Variants in PIBF1 observed in about 807,000 individuals in gnomAD.
PIBF1 encodes progesterone-induced-blocking factor 1.
Under a neutral mutation model 112.5 loss-of-function variants are expected in PIBF1, and 90 were observed. The ratio of observed to expected loss-of-function variants is 0.80; its 90% CI spans 0.67 to 0.95. The LOEUF is 0.95. PIBF1 is among the 40% of genes least tolerant of loss of function. The pLI is 0.00. For synonymous variants in PIBF1, 301 were observed against 288.6 expected, an observed-to-expected ratio of 1.04 and a Z score of -0.44; for missense variants, 915 against 852.3, an observed-to-expected ratio of 1.07 and a Z score of -0.92.
intron 5 of PIBF1, among the ~76,000 whole-genome samples, chr13:72,810,042 T>C (rs2035936555): frequency 6.6e-6 from 1 of 152,262 alleles, no homozygotes. Flanking sequence ...ATAGGGCTCA[T>C]CTTTTACTTC....
intron 14 of PIBF1, among the ~76,000 whole-genome samples, chr13:72,942,926 G>C (rs1049748047): frequency 6.6e-6 from 1 of 152,082 alleles, no homozygotes; most frequent in Non-Finnish European, 1.5e-5. Flanking sequence ...GCTTGAGCCT[G>C]GGAGGCAGAG....
intron 9 of PIBF1, among the ~76,000 whole-genome samples, chr13:72,844,727 T>TTA (rs2037756935): frequency 1.8e-5 from 1 of 54,222 alleles, no homozygotes; most frequent in Non-Finnish European, 3.4e-5. Context: ...GTAATTTTAT[T>TTA]TACACACACA....
chr13:72,821,729 A>T (rs889878717), intron 5 of PIBF1, 120 bp from the exon 6 acceptor site: 3 of 661,674 alleles, frequency 4.5e-6, no homozygotes, highest in East Asian at 6.6e-5. Flanking sequence ...AAATTGAGGA[A>T]TTTTTTTTAC....
intron 13 of PIBF1, among the ~76,000 whole-genome samples, chr13:72,923,575 G>A (rs987078998): frequency 7.2e-5 from 11 of 152,144 alleles, no homozygotes; most frequent in Admixed American, 7.2e-4. Flanking sequence ...CTTATAAAAA[G>A]CATTGCTTTC....
At position 72,854,040 on chromosome 13, in the gene PIBF1, C is replaced by G; in HGVS notation, c.1224-17C>G. ...ATCACGCATTTGAAATAACTGAAAT[C>G]CATGTTTAAAATTTAGAAATCTCCG... On this transcript the variant is annotated splice_polypyrimidine_tract_variant and intron_variant, in intron 9 of 17. Transcript: ENST00000326291. The G allele has an allele frequency of 6.6e-7, 1 of 1,520,962 alleles. No homozygotes were observed. The highest frequency in any genetic ancestry group is 9.1e-7 in the Non-Finnish European group (1 of 1,095,906). The allele number at this position is 1,520,962 out of a possible 1,614,324, so 94.2% of individuals were successfully genotyped here. A position where few individuals can be genotyped will look rare whatever the true frequency, so the allele number is the denominator to read the frequency against.
At chr13:72,794,654 A>G (rs1254510806) in intron 3 of PIBF1, among the ~76,000 whole-genome samples, 2 of 152,156 alleles carry the variant, frequency 1.3e-5, no homozygotes, top group Admixed American at 6.5e-5. Context: ...TCCCCTGCAC[A>G]AGCACTCTTG....
At chr13:72,971,087 G>A (rs78310041) in intron 15 of PIBF1, among the ~76,000 whole-genome samples, 4,071 of 151,994 alleles carry the variant, frequency 0.027, 75 homozygotes, top group Non-Finnish European at 0.04. Context: ...CATTTGTGAA[G>A]AATTATCCAG....
chr13:73,009,760 A>G (rs1247761227), intron 17 of PIBF1, among the ~76,000 whole-genome samples: 1 of 152,178 alleles, frequency 6.6e-6, no homozygotes, highest in Non-Finnish European at 1.5e-5. Flanking sequence ...TGAAGTAGCA[A>G]GGCAGTTAAT....
intron 10 of PIBF1, among the ~76,000 whole-genome samples, chr13:72,862,636 AT>A (rs2038744553): frequency 6.6e-6 from 1 of 152,164 alleles, no homozygotes; most frequent in Non-Finnish European, 1.5e-5. Context: ...AATAACAATA[AT>A]TTTTAGAGAG....
rs182302134 is a variant in PIBF1, at chr13:72,848,984, G to A, written c.1224-5073G>A. Among the ~76,000 whole-genome samples the A allele has an allele frequency of 5.3e-5, 8 of 152,312 alleles. No individual in the cohort carries two copies. In the East Asian group the frequency reaches 7.7e-4, roughly 15 times the overall value. ...AGCACCCTCTTTTATTCTAAAAAGT[G>A]CACCAGGTTGAAAAATACATTATTT... On this transcript the variant is annotated intron_variant, in intron 9 of 17. Transcript: ENST00000326291.
chr13:72,882,441 A>G (rs1339616031), intron 10 of PIBF1, among the ~76,000 whole-genome samples: 1 of 152,192 alleles, frequency 6.6e-6, no homozygotes, highest in African/African-American at 2.4e-5. Flanking sequence ...CAAATGGGAT[A>G]TCATCAAGTA....
chr13:72,978,828 A>G (rs779486607), intron 16 of PIBF1, among the ~76,000 whole-genome samples: 1 of 152,232 alleles, frequency 6.6e-6, no homozygotes, highest in Non-Finnish European at 1.5e-5. Context: ...ATAAACTGAT[A>G]GGAACTCACT....
At chr13:72,877,694 A>G (rs1428534794) in intron 10 of PIBF1, among the ~76,000 whole-genome samples, 1 of 150,498 alleles carries the variant, frequency 6.6e-6, no homozygotes, top group Non-Finnish European at 1.5e-5. Context: ...TCTTTTGTTT[A>G]GTGTCCATGG....
At position 72,783,540 on chromosome 13, in the gene PIBF1, G is replaced by C; in HGVS notation, c.71G>C (p.Ser24Thr). ...AGTTCTCTGGAATCTGAAGATATTA[G>C]TTTAGAAACAACAGTTCCTACGGAT... ...ISSSLESEDI[S>T]LETTVPTDDI... The change falls in exon 2 of 18, where the codon AGT becomes ACT. Residue 24 changes from serine to threonine, a missense_variant. Coordinates refer to ENST00000326291, the MANE Select transcript of PIBF1 (RefSeq NM_006346.4). 6.2e-7 allele frequency: 1 copy of C among 1,613,566 alleles called. No homozygotes were observed. Among genetic ancestry groups the C allele is most frequent in the Non-Finnish European group, 8.5e-7 (1 of 1,179,488 alleles).
intron 5 of PIBF1, among the ~76,000 whole-genome samples, chr13:72,806,000 CA>C (rs1436456870): frequency 6.6e-6 from 1 of 152,166 alleles, no homozygotes; most frequent in Non-Finnish European, 1.5e-5. Context: ...TATAGACTTT[CA>C]AAAAGCCATT....
chr13:72,896,880 G>A (rs2040301498), intron 11 of PIBF1, among the ~76,000 whole-genome samples: 1 of 152,156 alleles, frequency 6.6e-6, no homozygotes, highest in Non-Finnish European at 1.5e-5. Flanking sequence ...ATATTTGGGG[G>A]AATAATTGAG....
intron 13 of PIBF1, among the ~76,000 whole-genome samples, chr13:72,928,500 C>T (rs1214382417): frequency 6.6e-6 from 1 of 152,124 alleles, no homozygotes; most frequent in Non-Finnish European, 1.5e-5. Context: ...AGTGTGATGG[C>T]ACCATCTCAG....
At chr13:72,905,046 A>G (rs1298108308) in intron 11 of PIBF1, among the ~76,000 whole-genome samples, 4 of 146,686 alleles carry the variant, frequency 2.7e-5, no homozygotes, top group Admixed American at 7.1e-5. Flanking sequence ...CACCTGACCA[A>G]CCTCACTTTA....
chr13:73,000,570 A>G (rs1292881625), intron 17 of PIBF1, among the ~76,000 whole-genome samples: 83 of 152,312 alleles, frequency 5.4e-4, no homozygotes, highest in Non-Finnish European at 1.3e-4. Context: ...TGCTGTGTCT[A>G]TTATAATCTA....
Sources: allele counts gnomAD v4.1 joint callset (sites outside exome capture counted in the v4.1 genomes callset), GRCh38; gene constraint gnomAD v4.1.1; transcripts MANE v1.5; gene names NCBI Gene and HGNC (gene_info 2026-07-23, HGNC 2026-07-21).